The following RPL28 variants were observed in gnomAD, a reference collection of about 807,000 sequenced individuals.
RPL28 encodes large ribosomal subunit protein eL28.
In RPL28, 4 loss-of-function variants were observed where a neutral mutation model predicts 12.5. The ratio of observed to expected loss-of-function variants is 0.32; its 90% confidence interval spans 0.16 to 0.73. The LOEUF is 0.73. RPL28 is among the 30% of genes least tolerant of loss of function. The probability of loss-of-function intolerance (pLI) is 0.66; values close to 1 mark genes in which losing one functional copy is unlikely to be tolerated. For synonymous variants in RPL28, 91 were observed against 72.5 expected (o/e 1.26, Z -1.30); for missense variants, 214 against 197.7 (o/e 1.08, Z -0.49).
intron 3 of RPL28, 140 bp from the exon 4 acceptor site, chr19:55,387,790 G>A: frequency 6.8e-7 from 1 of 1,464,728 alleles, no homozygotes; most frequent in Non-Finnish European, 9.0e-7. Flanking sequence ...TGGGAAAACA[G>A]CTACCTGCTG....
chr19:55,399,446 C>T (rs568316860), intron 4 of RPL28, among the ~76,000 whole-genome samples: 13 of 152,312 alleles, frequency 8.5e-5, no homozygotes, highest in African/African-American at 2.6e-4. Context: ...GGATTACAGG[C>T]GTGAGCCACC....
At chr19:55,402,821 G>A (rs1318109224) in intron 4 of RPL28, 7 of 773,574 alleles carry the variant, frequency 9.0e-6, no homozygotes, top group East Asian at 2.7e-5. Flanking sequence ...AAGGGTTTGG[G>A]GTCTGTTTAC....
chr19:55,403,342 A>T, downstream of RPL28: 1 of 519,850 alleles, frequency 1.9e-6, no homozygotes, highest in South Asian at 2.6e-5. Context: ...TATAAAAACT[A>T]GCTGGGTATG....
rs1047559297 is a variant in RPL28 at position 55,389,068 on chromosome 19, C to A, written c.*736C>A. 26 of 985,442 alleles carry A rather than the reference C, an allele frequency of 2.6e-5. No homozygotes were observed. The highest frequency in any genetic ancestry group is 3.5e-5 in the African/African-American group (2 of 57,236). 61.0% of individuals were successfully genotyped at this position (985,442 alleles called of 1,614,324 possible). ...GCCGCTCCTGGGCCACCCTGTCACC[C>A]AAGCTTTCCTGATTGCCCAGCCCTC... On this transcript the variant is annotated 3_prime_UTR_variant, in exon 5 of 5. Coordinates refer to ENST00000344063, the MANE Select transcript of RPL28 (RefSeq NM_000991.5).
intron 3 of RPL28, 116 bp from the exon 4 acceptor site, chr19:55,387,814 C>G: frequency 6.8e-7 from 1 of 1,469,674 alleles, no homozygotes; most frequent in Non-Finnish European, 9.0e-7. Context: ...TGCCCAGGCA[C>G]CCGCCACGGG....
chr19:55,391,878 T>A lies in RPL28; in HGVS notation c.*3546T>A. On this transcript the variant is annotated 3_prime_UTR_variant, in exon 5 of 5. Coordinates refer to ENST00000344063, the MANE Select transcript of RPL28 (RefSeq NM_000991.5). ...CCAAGCACCTGGAAGACATGCCAGA[T>A]CCATGTGCAGTAATGCCTGGTGGCT... 7.3e-7 allele frequency: 1 copy of A among 1,373,048 alleles called. No individual in the cohort carries two copies. 85.1% of individuals were successfully genotyped at this position (1,373,048 alleles called of 1,614,324 possible).
At position 55,403,069 on chromosome 19, in the gene RPL28, C is replaced by CCCAAATCCTGCAGCGT; in HGVS notation, c.451_452insCCAAATCCTGCAGCGT (p.Gln151ProfsTer20). On this transcript the variant is annotated frameshift_variant, in exon 5 of 5. Transcript: ENST00000560055. LOFTEE classifies it low-confidence loss of function (END_TRUNC). ...TGTCATGGAGCCATCTCGTACGCTG[C>CCCAAATCCTGCAGCGT]AGGATTTGGGCAGCACCCTTGGCCT... 7.5e-7 allele frequency: 1 copy of CCCAAATCCTGCAGCGT among 1,329,508 alleles called. No homozygotes were observed. The highest frequency in any genetic ancestry group is 1.0e-6 in the Non-Finnish European group (1 of 957,776). 82.4% of individuals were successfully genotyped at this position (1,329,508 alleles called of 1,614,324 possible). A position where few individuals can be genotyped will look rare whatever the true frequency, so the allele number is the denominator to read the frequency against.
Position 55,391,573 on chromosome 19 carries a change from G to A in RPL28, c.*3241G>A, listed in dbSNP as rs45448592. The A allele has an allele frequency of 0.052, 80,111 of 1,544,920 alleles. 2,266 individuals are homozygous for A. The highest frequency in any genetic ancestry group is 0.058 in the Middle Eastern group (347 of 5,936). ...TCACAGGACATGCTGGCATCTACTG[G>A]GTCAGGGCTCTGCTGCTCGGTGGCT... is the stretch of plus-strand genomic sequence containing the variant. On this transcript the variant is annotated 3_prime_UTR_variant, in exon 5 of 5. Coordinates refer to ENST00000344063, the MANE Select transcript of RPL28 (RefSeq NM_000991.5).
At position 55,391,325 on chromosome 19, in the gene RPL28, C is replaced by T. The variant is rs1364230978; in HGVS notation, c.*2993C>T. 4.5e-6 allele frequency: 4 copies of T among 882,570 alleles called. No homozygotes were observed. Among genetic ancestry groups the T allele is most frequent in the Non-Finnish European group, 5.9e-6 (4 of 673,068 alleles). The allele number at this position is 882,570 out of a possible 1,614,324, so 54.7% of individuals were successfully genotyped here. A position where few individuals can be genotyped will look rare whatever the true frequency, so the allele number is the denominator to read the frequency against. ...CAGCTCGTTTAGTAGCACCGTGCCTCAGTTTCCCATATGTAAAAGGCCATT... is the reference window on the plus strand; with the variant it reads ...CAGCTCGTTTAGTAGCACCGTGCCTTAGTTTCCCATATGTAAAAGGCCATT... On this transcript the variant is annotated 3_prime_UTR_variant, in exon 5 of 5. Coordinates refer to ENST00000344063, the MANE Select transcript of RPL28 (RefSeq NM_000991.5).
chr19:55,386,246 A>G (rs562091170), intron 1 of RPL28, 104 bp from the exon 2 acceptor site: 9 of 1,067,826 alleles, frequency 8.4e-6, no homozygotes, highest in Admixed American at 2.0e-5. Context: ...CATTCACCCA[A>G]GTTCCCAGTC....
At chr19:55,386,292 C>T in intron 1 of RPL28, 58 bp from the exon 2 acceptor site, 1 of 1,529,150 alleles carries the variant, frequency 6.5e-7, no homozygotes, top group Non-Finnish European at 9.0e-7. Flanking sequence ...TGGCCCGTGG[C>T]CTAACGCTGC....
In RPL28 at chr19:55,389,360, G is replaced by C; in HGVS notation, c.*1028G>C. The C allele has an allele frequency of 1.0e-6, 1 of 964,736 alleles. No homozygotes were observed. The highest frequency in any genetic ancestry group is 1.2e-6 in the Non-Finnish European group (1 of 817,370). The allele number at this position is 964,736 out of a possible 1,614,324, so 59.8% of individuals were successfully genotyped here. A position where few individuals can be genotyped will look rare whatever the true frequency, so the allele number is the denominator to read the frequency against. ...TGGAAGACACCATGACACACAGTGA[G>C]GCCTGGATGGGGAAAGAGTCCTGCT... On this transcript the variant is annotated 3_prime_UTR_variant, in exon 5 of 5. Coordinates refer to ENST00000344063, the MANE Select transcript of RPL28 (RefSeq NM_000991.5).
chr19:55,389,585 G>C lies in RPL28; in HGVS notation c.*1253G>C, dbSNP rs566568299. 5.1e-6 allele frequency: 5 copies of C among 985,480 alleles called. No homozygotes were observed. In the African/African-American group the frequency reaches 8.7e-5, roughly 17 times the overall value. The allele number at this position is 985,480 out of a possible 1,614,324, so 61.0% of individuals were successfully genotyped here. A position where few individuals can be genotyped will look rare whatever the true frequency, so the allele number is the denominator to read the frequency against. On this transcript the variant is annotated 3_prime_UTR_variant, in exon 5 of 5. Coordinates refer to ENST00000344063, the MANE Select transcript of RPL28 (RefSeq NM_000991.5). ...AGGGCCTCGACTTGCCATTGGTTGG[G>C]GTCGTACGGGGCTGGGAGCCCTGCG...
At position 55,398,951 on chromosome 19, in the gene RPL28, C is replaced by G. The variant is rs867705102; in HGVS notation, c.325-3992C>G. 4.1e-4 allele frequency among the ~76,000 whole-genome samples: 63 copies of G among 152,296 alleles called. No homozygotes were observed. In the Middle Eastern group the frequency reaches 0.024, roughly 58 times the overall value. On this transcript the variant is annotated intron_variant, in intron 4 of 4. Coordinates refer to the RPL28 transcript ENST00000560055. ...TCCCAACGTGAAGTGGTCCACCAGCCTTGGCCTCCCAAAATGCTGGGATTA... is the reference window on the plus strand; with the variant it reads ...TCCCAACGTGAAGTGGTCCACCAGCGTTGGCCTCCCAAAATGCTGGGATTA...
chr19:55,401,278 G>C, intron 4 of RPL28: 2 of 886,820 alleles, frequency 2.3e-6, no homozygotes, highest in South Asian at 1.7e-5. Context: ...GTGAGACACA[G>C]AAGCTGCTTT....
Position 55,389,927 on chromosome 19 carries a change from C to T in RPL28, c.*1595C>T, listed in dbSNP as rs1008041043. ...CTGTCCCAGTCCCACTCAGGCCCATCTCTGGCTGGCCTCACTGCGCTGGGA... is the reference window on the plus strand; with the variant it reads ...CTGTCCCAGTCCCACTCAGGCCCATTTCTGGCTGGCCTCACTGCGCTGGGA... On this transcript the variant is annotated 3_prime_UTR_variant, in exon 5 of 5. Coordinates refer to ENST00000344063, the MANE Select transcript of RPL28 (RefSeq NM_000991.5). The T allele has an allele frequency of 3.0e-6, 3 of 985,524 alleles. No homozygotes were observed. Among genetic ancestry groups the T allele is most frequent in the Non-Finnish European group, 3.6e-6 (3 of 829,988 alleles). 61.0% of individuals were successfully genotyped at this position (985,524 alleles called of 1,614,324 possible).
Position 55,391,873 on chromosome 19 carries a change from C to T in RPL28, c.*3541C>T. The T allele has an allele frequency of 7.2e-7, 1 of 1,379,328 alleles. No homozygotes were observed. The highest frequency in any genetic ancestry group is 2.7e-5 in the East Asian group (1 of 36,960). 85.4% of individuals were successfully genotyped at this position (1,379,328 alleles called of 1,614,324 possible). ...GTTTCCCAAGCACCTGGAAGACATG[C>T]CAGATCCATGTGCAGTAATGCCTGG... is the stretch of plus-strand genomic sequence containing the variant. On this transcript the variant is annotated 3_prime_UTR_variant, in exon 5 of 5. Transcript: ENST00000344063.
chr19:55,400,240 G>A (rs1328567055), intron 4 of RPL28: 3 of 152,150 alleles, frequency 2.0e-5, no homozygotes, highest in East Asian at 3.8e-4. Context: ...GCCCACGTTC[G>A]TCTTTAACTC....
At chr19:55,387,251 A>G (rs1600301710) in intron 3 of RPL28, 1 of 1,542,994 alleles carries the variant, frequency 6.5e-7, no homozygotes, top group South Asian at 1.2e-5. Context: ...CCAGCTTCAC[A>G]TGTGTTCTTG....
Sources: allele counts gnomAD v4.1 joint callset (sites outside exome capture counted in the v4.1 genomes callset), GRCh38; gene constraint gnomAD v4.1.1; transcripts MANE v1.5; gene names NCBI Gene and HGNC (gene_info 2026-07-23, HGNC 2026-07-21).